ZNF292: variants seen among roughly 807,000 people sequenced by gnomAD.
ZNF292 encodes zinc finger protein 292.
In ZNF292, 26 loss-of-function variants were observed where a neutral mutation model predicts 217.9. That is an observed-to-expected ratio of 0.12 (90% CI 0.09 to 0.17). The LOEUF (loss-of-function observed/expected upper bound fraction) is 0.17. ZNF292 is among the 10% of genes least tolerant of loss of function. ZNF292 has a pLI of 1.00. For synonymous variants in ZNF292, 1,257 were observed against 1,124.1 expected, an observed-to-expected ratio of 1.12 and a Z score of -2.37; for missense variants, 2,904 against 3,175.2, an observed-to-expected ratio of 0.91 and a Z score of 2.05.
intron 1 of ZNF292, among the ~76,000 whole-genome samples, 171 bp downstream of exon 1, chr6:87,155,930 G>A (rs1371611138): frequency 6.6e-6 from 1 of 152,240 alleles, no homozygotes; most frequent in African/African-American, 2.4e-5. Context: ...CAGTTGTGGC[G>A]GTTGTTGTCG....
intron 1 of ZNF292, among the ~76,000 whole-genome samples, chr6:87,181,690 T>C: frequency 8.9e-6 from 1 of 112,164 alleles, no homozygotes; most frequent in East Asian, 2.6e-4. Flanking sequence ...TTTTGTTTTG[T>C]TTTTTTTTTG....
intron 1 of ZNF292, among the ~76,000 whole-genome samples, chr6:87,204,554 ATTT>A (rs68087857): frequency 7.9e-5 from 5 of 63,638 alleles, no homozygotes; most frequent in African/African-American, 1.4e-4. Flanking sequence ...AACATTTAGG[ATTT>A]TTTTTTTTTT....
intron 1 of ZNF292, among the ~76,000 whole-genome samples, chr6:87,183,333 C>CT (rs1219752874): frequency 7.3e-5 from 11 of 151,532 alleles, no homozygotes; most frequent in Admixed American, 2.6e-4. Flanking sequence ...TTATCAAATA[C>CT]TTTTTTTTTC....
At chr6:87,243,948 A>G (rs1774438457) in intron 6 of ZNF292, among the ~76,000 whole-genome samples, 1 of 152,182 alleles carries the variant, frequency 6.6e-6, no homozygotes, top group South Asian at 2.1e-4. Context: ...TTTATGGTAC[A>G]TTTTCAGTTG....
At chr6:87,240,055 G>T (rs1380847048) in intron 5 of ZNF292, among the ~76,000 whole-genome samples, 2 of 152,148 alleles carry the variant, frequency 1.3e-5, no homozygotes, top group East Asian at 3.9e-4. Context: ...ACTCCAGCCT[G>T]GGCAACATTG....
intron 1 of ZNF292, among the ~76,000 whole-genome samples, chr6:87,186,135 T>G (rs1022634899): frequency 6.6e-6 from 1 of 152,228 alleles, no homozygotes; most frequent in African/African-American, 2.4e-5. Context: ...CTTTCTGATG[T>G]CCAGCCCCTG....
intron 6 of ZNF292, among the ~76,000 whole-genome samples, chr6:87,245,298 TATTA>T (rs1774514619): frequency 1.3e-5 from 2 of 152,056 alleles, no homozygotes; most frequent in South Asian, 2.1e-4. Flanking sequence ...GACTGAAAAA[TATTA>T]ATTAATAAAA....
intron 1 of ZNF292, among the ~76,000 whole-genome samples, chr6:87,191,885 C>T (rs1771831571): frequency 6.6e-6 from 1 of 152,148 alleles, no homozygotes; most frequent in Non-Finnish European, 1.5e-5. Flanking sequence ...TGGTCTCGAC[C>T]TCCTGACCTC....
At chr6:87,241,027 G>A (rs1774255913) in intron 5 of ZNF292, among the ~76,000 whole-genome samples, 1 of 152,320 alleles carries the variant, frequency 6.6e-6, no homozygotes, top group East Asian at 1.9e-4. Flanking sequence ...GCTCATGCCT[G>A]TAATCCCAGC....
intron 1 of ZNF292, among the ~76,000 whole-genome samples, chr6:87,161,062 T>C (rs1053425894): frequency 6.6e-6 from 1 of 152,168 alleles, no homozygotes; most frequent in African/African-American, 2.4e-5. Flanking sequence ...TAAATGATAT[T>C]CAACAATATT....
At chr6:87,226,653 ATATATAG>A in intron 4 of ZNF292, among the ~76,000 whole-genome samples, 1 of 98,336 alleles carries the variant, frequency 1.0e-5, no homozygotes, top group Non-Finnish European at 1.9e-5. Context: ...ATATCTATAT[ATATATAG>A]ATATATAGAT....
At chr6:87,225,828 T>A (rs1773319849) in intron 4 of ZNF292, among the ~76,000 whole-genome samples, 2 of 152,196 alleles carry the variant, frequency 1.3e-5, no homozygotes, top group Non-Finnish European at 1.5e-5. Context: ...AATATACTTT[T>A]CTCTGCTATC....
At chr6:87,213,946 G>A (rs914971785) in intron 1 of ZNF292, 11 of 151,518 alleles carry the variant, frequency 7.3e-5, no homozygotes, top group African/African-American at 1.2e-4. Flanking sequence ...TGTGTTTTGC[G>A]AGAAAGAGGA....
intron 1 of ZNF292, among the ~76,000 whole-genome samples, chr6:87,190,601 G>A (rs1209455261): frequency 2.0e-5 from 3 of 152,124 alleles, no homozygotes; most frequent in Non-Finnish European, 1.5e-5. Flanking sequence ...AGCCTCTTGC[G>A]TAGCTGGGAC....
chr6:87,218,852 T>A (rs1319696497), intron 4 of ZNF292, 121 bp downstream of exon 4: 2 of 1,093,528 alleles, frequency 1.8e-6, no homozygotes, highest in East Asian at 5.7e-5. Flanking sequence ...ATTAAATATC[T>A]TCTGAGGTGT....
intron 1 of ZNF292, among the ~76,000 whole-genome samples, chr6:87,189,178 C>T (rs9353463): frequency 0.63 from 95,225 of 151,864 alleles, 31,330 homozygotes; most frequent in African/African-American, 0.83. Context: ...GCACTTCAGC[C>T]TGGGCGACAG....
intron 1 of ZNF292, chr6:87,215,071 G>A (rs561441699): frequency 6.6e-6 from 1 of 152,014 alleles, no homozygotes; most frequent in African/African-American, 2.4e-5. Flanking sequence ...GACCAATTGT[G>A]GCAGTCTTCT....
Position 87,260,921 on chromosome 6 carries a change from G to A in ZNF292, c.7292G>A (p.Cys2431Tyr), listed in dbSNP as rs1395251101. 5 of 1,610,834 alleles carry A rather than the reference G, an allele frequency of 3.1e-6. No homozygotes were observed. In the Admixed American group the frequency reaches 8.4e-5, roughly 27 times the overall value. The part of the protein sequence containing the change: ...RNLLIVFKRC[C>Y]NSQVKETSEQ... The stretch of plus-strand genomic sequence containing the variant: ...CTTCTTATTGTATTCAAACGGTGTT[G>A]CAACTCACAAGTAAAGGAAACGTCT... Residue 2431 changes from cysteine to tyrosine, a missense_variant, in exon 8 of 8, where the codon TGC becomes TAC. Around this residue, in one of 15 missense-constraint regions of ZNF292, gnomAD observed 380 missense variants for 355.3 expected, o/e 1.07. Coordinates refer to ENST00000369577, the MANE Select transcript of ZNF292 (RefSeq NM_015021.3).
Position 87,233,733 on chromosome 6 carries a change from A to G in ZNF292, c.741+206A>G, listed in dbSNP as rs1008046450. 1.4e-5 allele frequency: 11 copies of G among 773,104 alleles called. No homozygotes were observed. In the African/African-American group the frequency reaches 2.1e-4, roughly 15 times the overall value. The allele number at this position is 773,104 out of a possible 1,614,324, so 47.9% of individuals were successfully genotyped here. ...CTGATTGCACCTAGTTTCTGTTTTAAATAATATACATCTTTTAAATGCTTT... is the reference window on the plus strand; with the variant it reads ...CTGATTGCACCTAGTTTCTGTTTTAGATAATATACATCTTTTAAATGCTTT... On this transcript the variant is annotated intron_variant, in intron 5 of 7. Transcript: ENST00000369577.
Sources: gnomAD v4.1 joint callset for allele counts (sites outside exome capture counted in the v4.1 genomes callset) on GRCh38, gnomAD v4.1.1 for gene constraint, gnomAD v4.1.1 regional missense constraint, MANE v1.5 for transcripts, NCBI Gene and HGNC (gene_info 2026-07-23, HGNC 2026-07-21) for gene names.